Variants in STK33 observed in about 807,000 individuals in gnomAD.
The protein encoded by STK33 is serine/threonine-protein kinase 33.
In STK33, 52 loss-of-function variants were observed where a neutral mutation model predicts 58.0. The ratio of observed to expected loss-of-function variants is 0.90; its 90% CI spans 0.72 to 1.13. The LOEUF (loss-of-function observed/expected upper bound fraction) is 1.13, where lower values mean the gene tolerates loss of function less well. STK33 is among the 50% of genes most tolerant of loss of function. STK33 has a pLI of 0.00. For synonymous variants in STK33, 215 were observed against 200.1 expected, an observed-to-expected ratio of 1.07 and a Z score of -0.63; for missense variants, 630 against 604.2, an observed-to-expected ratio of 1.04 and a Z score of -0.45.
chr11:8,532,401 A>T (rs1435265611), intron 1 of STK33, among the ~76,000 whole-genome samples: 1 of 152,256 alleles, frequency 6.6e-6, no homozygotes, highest in Non-Finnish European at 1.5e-5. Flanking sequence ...TTGAGTAGGT[A>T]TGACAGAGAC....
At chr11:8,460,715 T>A (rs1484879309) in intron 8 of STK33, among the ~76,000 whole-genome samples, 3 of 151,900 alleles carry the variant, frequency 2.0e-5, no homozygotes, top group Non-Finnish European at 4.4e-5. Context: ...GAAAATGATA[T>A]CAAGGCACAT....
At chr11:8,492,370 A>G (rs1288400237) in intron 1 of STK33, among the ~76,000 whole-genome samples, 4 of 152,238 alleles carry the variant, frequency 2.6e-5, no homozygotes, top group African/African-American at 4.8e-5. Flanking sequence ...ATAATGGTAA[A>G]GGGATCAATT....
chr11:8,482,535 T>C (rs1473800610), intron 1 of STK33, among the ~76,000 whole-genome samples: 2 of 152,078 alleles, frequency 1.3e-5, no homozygotes, highest in African/African-American at 2.4e-5. Context: ...ATAATAAATA[T>C]GAACAAAGTA....
chr11:8,578,392 T>C (rs1023487557), intron 1 of STK33, among the ~76,000 whole-genome samples: 6 of 152,044 alleles, frequency 3.9e-5, no homozygotes, highest in African/African-American at 1.4e-4. Flanking sequence ...AAGTAAGTTG[T>C]GGTACATCCA....
chr11:8,388,858 C>T (rs1311950199), downstream of STK33, among the ~76,000 whole-genome samples: 1 of 152,220 alleles, frequency 6.6e-6, no homozygotes, highest in Non-Finnish European at 1.5e-5. Flanking sequence ...CTACCTGGGT[C>T]CCAACCTCAG....
the STK33 span, among the ~76,000 whole-genome samples, chr11:8,374,607 C>T: frequency 3.9e-5 from 6 of 152,282 alleles, no homozygotes; most frequent in Admixed American, 2.0e-4. Context: ...ACTATTGGCT[C>T]CAGGCCCCAA....
At chr11:8,585,054 C>A (rs1457089936) in intron 1 of STK33, among the ~76,000 whole-genome samples, 1 of 151,090 alleles carries the variant, frequency 6.6e-6, no homozygotes, top group Non-Finnish European at 1.5e-5. Context: ...TCCCAAAGAG[C>A]TGGGATTACA....
At chr11:8,550,411 C>T (rs761593127) in intron 1 of STK33, among the ~76,000 whole-genome samples, 7 of 152,152 alleles carry the variant, frequency 4.6e-5, no homozygotes, top group Non-Finnish European at 1.0e-4. Context: ...TCCCAAAGTG[C>T]TAGGATTACA....
intron 1 of STK33, among the ~76,000 whole-genome samples, chr11:8,547,731 C>G (rs1956035580): frequency 1.3e-5 from 2 of 152,210 alleles, no homozygotes; most frequent in African/African-American, 4.8e-5. Flanking sequence ...TTAATGTAAT[C>G]CCATTTGTCT....
chr11:8,427,347 T>C (rs1033150961), intron 14 of STK33, among the ~76,000 whole-genome samples: 1 of 152,176 alleles, frequency 6.6e-6, no homozygotes, highest in East Asian at 1.9e-4. Flanking sequence ...AATGTGATTC[T>C]TGTTCTTTTT....
intron 1 of STK33, among the ~76,000 whole-genome samples, chr11:8,534,675 C>G (rs1488281324): frequency 6.6e-6 from 1 of 150,804 alleles, no homozygotes; most frequent in Non-Finnish European, 1.5e-5. Flanking sequence ...AAAAAAATGG[C>G]TAGATTCAAC....
intron 9 of STK33, among the ~76,000 whole-genome samples, chr11:8,455,845 C>T (rs763329708): frequency 5.0e-5 from 7 of 140,802 alleles, no homozygotes; most frequent in Non-Finnish European, 1.1e-4. Flanking sequence ...AAGTTACACA[C>T]ATAATTGCTA....
intron 1 of STK33, among the ~76,000 whole-genome samples, chr11:8,561,878 T>A (rs986002835): frequency 6.6e-6 from 1 of 152,184 alleles, no homozygotes; most frequent in African/African-American, 2.4e-5. Flanking sequence ...ACTGCTTATC[T>A]CAACTAGGGC....
chr11:8,394,436 T>C (rs143251999), intron 15 of STK33, among the ~76,000 whole-genome samples: 19 of 152,356 alleles, frequency 1.2e-4, no homozygotes, highest in East Asian at 5.8e-4. Context: ...ATCCAAGTTG[T>C]TGAGGAAGTA....
intron 14 of STK33, among the ~76,000 whole-genome samples, chr11:8,433,507 ATCTT>A (rs1306465081): frequency 1.3e-5 from 2 of 152,106 alleles, no homozygotes; most frequent in Non-Finnish European, 2.9e-5. Context: ...TTCATCTTAA[ATCTT>A]TCCAGTTTCA....
At chr11:8,398,486 G>A (rs183327947) in intron 15 of STK33, among the ~76,000 whole-genome samples, 4,036 of 152,258 alleles carry the variant, frequency 0.027, 71 homozygotes, top group Non-Finnish European at 0.041. Flanking sequence ...AGGAACAAAA[G>A]GTTCCAGCCA....
At chr11:8,575,822 A>C (rs1305297177) in intron 1 of STK33, among the ~76,000 whole-genome samples, 1 of 152,186 alleles carries the variant, frequency 6.6e-6, no homozygotes, top group Non-Finnish European at 1.5e-5. Flanking sequence ...TTAACGTTTG[A>C]AAATCAATCT....
chr11:8,579,999 C>T (rs542125814), intron 1 of STK33, among the ~76,000 whole-genome samples: 1 of 152,094 alleles, frequency 6.6e-6, no homozygotes, highest in Non-Finnish European at 1.5e-5. Flanking sequence ...GAAAAGGGAA[C>T]CTTCATACAC....
At chr11:8,425,705 G>T (rs1012507979) in intron 14 of STK33, among the ~76,000 whole-genome samples, 12 of 152,040 alleles carry the variant, frequency 7.9e-5, no homozygotes, top group Admixed American at 3.3e-4. Flanking sequence ...AATTCAATTA[G>T]ACAATATACC....
Sources: allele counts gnomAD v4.1 joint callset (sites outside exome capture counted in the v4.1 genomes callset), GRCh38; gene constraint gnomAD v4.1.1; transcripts MANE v1.5; gene names NCBI Gene and HGNC (gene_info 2026-07-23, HGNC 2026-07-21).